The following KCNMA1 variants were observed in gnomAD, a reference collection of about 807,000 sequenced individuals.
The protein encoded by KCNMA1 is Calcium-activated potassium channel subunit alpha-1.
A neutral mutation model predicts 140.0 loss-of-function variants in KCNMA1; 29 were observed. That is an observed-to-expected ratio of 0.21 (90% CI 0.15 to 0.28). The LOEUF is 0.28. Among genes scored for constraint, KCNMA1 ranks in the 10% least tolerant of loss-of-function variants. The probability of loss-of-function intolerance (pLI) is 1.00; values close to 1 mark genes in which losing one functional copy is unlikely to be tolerated. For missense variants in KCNMA1, 880 were observed against 1,602.2 expected, an observed-to-expected ratio of 0.55 and a Z score of 7.70; for synonymous variants, 612 against 611.9, an observed-to-expected ratio of 1.00 and a Z score of 0.00.
At chr10:76,971,717 G>A (rs1378839818) in intron 19 of KCNMA1, among the ~76,000 whole-genome samples, 1 of 152,214 alleles carries the variant, frequency 6.6e-6, no homozygotes, top group African/African-American at 2.4e-5. Flanking sequence ...CAGAGACTAT[G>A]TGGCTGGGAT....
At position 76,878,921 on chromosome 10, in the gene KCNMA1, G is replaced by A. The variant is rs561649204; in HGVS notation, c.3428-1031C>T. ...GGGAATCATATGCCTCACTTTAGTG[G>A]CTTAGGGAAAGAAAAGAAAAAGAAA... On this transcript the variant is annotated intron_variant, in intron 29 of 29. Coordinates refer to the KCNMA1 transcript ENST00000372403. Among the ~76,000 whole-genome samples, 6 of 152,216 alleles carry A rather than the reference G, an allele frequency of 3.9e-5. No homozygotes were observed. In the East Asian group the frequency reaches 1.2e-3, roughly 29 times the overall value.
At chr10:76,970,409 G>A in intron 19 of KCNMA1, 1 of 281,798 alleles carries the variant, frequency 3.5e-6, no homozygotes, top group South Asian at 3.9e-5. Context: ...AGTTAATTTT[G>A]GTTACTTTGC....
intron 1 of KCNMA1, among the ~76,000 whole-genome samples, chr10:77,537,838 C>T (rs918903393): frequency 2.0e-5 from 3 of 152,002 alleles, no homozygotes; most frequent in East Asian, 1.9e-4. Flanking sequence ...CTCCTCCCGG[C>T]GCACATTCTT....
intron 19 of KCNMA1, chr10:76,974,402 C>A: frequency 1.2e-6 from 1 of 807,618 alleles, no homozygotes; most frequent in South Asian, 1.7e-5. Context: ...CGCTCTTCTT[C>A]AACTGAGCTC....
chr10:77,538,501 C>T (rs1470972049), intron 1 of KCNMA1, among the ~76,000 whole-genome samples: 1 of 152,172 alleles, frequency 6.6e-6, no homozygotes, highest in Non-Finnish European at 1.5e-5. Flanking sequence ...TCTGAGTCAA[C>T]CAGATCTGAG....
chr10:77,381,919 A>C (rs2095402407), intron 2 of KCNMA1, among the ~76,000 whole-genome samples: 1 of 152,210 alleles, frequency 6.6e-6, no homozygotes, highest in African/African-American at 2.4e-5. Context: ...ATGAGTACTC[A>C]TAACAGGCTT....
At chr10:77,618,941 T>C (rs995190674) in intron 1 of KCNMA1, among the ~76,000 whole-genome samples, 1 of 152,164 alleles carries the variant, frequency 6.6e-6, no homozygotes, top group Non-Finnish European at 1.5e-5. Context: ...GTGAACAGCA[T>C]GTGTGAAGGC....
At chr10:77,408,342 G>C (rs2096535978) in intron 1 of KCNMA1, among the ~76,000 whole-genome samples, 1 of 152,220 alleles carries the variant, frequency 6.6e-6, no homozygotes, top group South Asian at 2.1e-4. Flanking sequence ...TTCCCAGTAG[G>C]GGCAGCCCGA....
chr10:77,590,960 C>T (rs1048792931), intron 1 of KCNMA1, among the ~76,000 whole-genome samples: 1 of 152,206 alleles, frequency 6.6e-6, no homozygotes, highest in African/African-American at 2.4e-5. Flanking sequence ...ACCTCATCTG[C>T]CCTGCTGTGC....
At chr10:77,469,094 T>G (rs1193724509) in intron 1 of KCNMA1, among the ~76,000 whole-genome samples, 1 of 152,184 alleles carries the variant, frequency 6.6e-6, no homozygotes, top group Non-Finnish European at 1.5e-5. Flanking sequence ...GCATAAGGTT[T>G]CTTTTGCTCT....
chr10:77,477,952 G>A (rs1239161730), intron 1 of KCNMA1, among the ~76,000 whole-genome samples: 1 of 152,158 alleles, frequency 6.6e-6, no homozygotes, highest in Non-Finnish European at 1.5e-5. Flanking sequence ...GGTGTCATTA[G>A]GGTCTGTGGA....
At chr10:77,442,873 A>C (rs2097438044) in intron 1 of KCNMA1, among the ~76,000 whole-genome samples, 1 of 152,156 alleles carries the variant, frequency 6.6e-6, no homozygotes, top group African/African-American at 2.4e-5. Context: ...ATCCAGTGTG[A>C]ATCCAAACGC....
chr10:77,250,271 C>A (rs1223405183), intron 3 of KCNMA1: 1 of 152,188 alleles, frequency 6.6e-6, no homozygotes, highest in East Asian at 1.9e-4. Context: ...AAGTTCAAAA[C>A]ACTCACACAG....
At chr10:77,301,769 T>C (rs927582352) in intron 2 of KCNMA1, among the ~76,000 whole-genome samples, 13 of 150,868 alleles carry the variant, frequency 8.6e-5, no homozygotes, top group African/African-American at 2.2e-4. Context: ...GGGCACTAAA[T>C]GTTTAATTCT....
Position 76,887,498 on chromosome 10 carries a change from G to A in KCNMA1, c.3479C>T (p.Pro1160Leu). ...CGGCACGAGCTCAAACTCATAGGGC[G>A]GGTTGGTGATGACATACCTGGACAG... Reference protein sequence around the residue: ...QCTKRYVITNPPYEFELVPTD... With the variant: ...QCTKRYVITNLPYEFELVPTD... The change falls in exon 28 of 28, where the codon CCG becomes CTG. Residue 1160 changes from proline to leucine, a missense_variant. Transcript: ENST00000286628. 1.9e-6 allele frequency: 3 copies of A among 1,614,098 alleles called. No individual in the cohort carries two copies. Among genetic ancestry groups the A allele is most frequent in the Non-Finnish European group, 2.5e-6 (3 of 1,180,004 alleles).
intron 11 of KCNMA1, among the ~76,000 whole-genome samples, chr10:77,085,467 C>G (rs142116837): frequency 6.6e-5 from 10 of 152,272 alleles, no homozygotes; most frequent in African/African-American, 1.9e-4. Flanking sequence ...TCCCTACGTT[C>G]TCATAAGATT....
intron 2 of KCNMA1, among the ~76,000 whole-genome samples, chr10:77,361,668 G>A (rs745364): frequency 0.14 from 20,628 of 152,240 alleles, 1,859 homozygotes; most frequent in African/African-American, 0.25. Context: ...GGAGCAAGAG[G>A]GGATCCATAG....
chr10:77,507,243 G>A (rs575585265), intron 1 of KCNMA1, among the ~76,000 whole-genome samples: 4 of 152,258 alleles, frequency 2.6e-5, no homozygotes, highest in South Asian at 2.1e-4. Flanking sequence ...TTGCAACTTC[G>A]TTTGGCTCCC....
At chr10:77,033,765 A>G (rs2094119398) in intron 15 of KCNMA1, among the ~76,000 whole-genome samples, 1 of 152,104 alleles carries the variant, frequency 6.6e-6, no homozygotes. Flanking sequence ...GAGGATTTCA[A>G]TAGACTTTAG....
Sources: gnomAD v4.1 joint callset for allele counts (sites outside exome capture counted in the v4.1 genomes callset) on GRCh38, gnomAD v4.1.1 for gene constraint, MANE v1.5 for transcripts, NCBI Gene and HGNC (gene_info 2026-07-23, HGNC 2026-07-21) for gene names.